SYT14: variants seen among roughly 807,000 people sequenced by gnomAD.
SYT14 encodes synaptotagmin 14, also known as synaptotagmin-14.
Under a neutral mutation model 74.2 loss-of-function variants are expected in SYT14, and 32 were observed. That is an observed-to-expected ratio of 0.43 (90% confidence interval 0.33 to 0.58). The LOEUF is 0.58. Among genes scored for constraint, SYT14 ranks in the 20% least tolerant of loss-of-function variants. The pLI is 0.05. For missense variants in SYT14, 791 were observed against 981.8 expected, an observed-to-expected ratio of 0.81 and a Z score of 2.60; for synonymous variants, 298 against 337.7, an observed-to-expected ratio of 0.88 and a Z score of 1.29.
intron 2 of SYT14, among the ~76,000 whole-genome samples, chr1:209,953,503 T>C (rs1240539508): frequency 1.3e-5 from 2 of 152,218 alleles, no homozygotes. Context: ...TTGCCCCTCC[T>C]GAGTCTAGCC....
At chr1:210,025,694 C>T (rs1317439282) in intron 5 of SYT14, among the ~76,000 whole-genome samples, 1 of 152,012 alleles carries the variant, frequency 6.6e-6, no homozygotes, top group African/African-American at 2.4e-5. Flanking sequence ...TACCAGGTAG[C>T]GAGTACTGCC....
intron 2 of SYT14, among the ~76,000 whole-genome samples, chr1:209,976,883 G>T (rs540836908): frequency 4.9e-4 from 75 of 152,190 alleles, no homozygotes; most frequent in African/African-American, 1.8e-3. Context: ...ATGAATCTGG[G>T]TGCTCCTGTA....
intron 5 of SYT14, among the ~76,000 whole-genome samples, chr1:210,033,881 T>G (rs934114388): frequency 1.3e-5 from 2 of 151,800 alleles, no homozygotes; most frequent in African/African-American, 4.8e-5. Context: ...ATTTACACCC[T>G]TAAACATTTT....
At position 210,103,824 on chromosome 1, in the gene SYT14, A is replaced by G. The variant is rs191077209; in HGVS notation, c.2034+3363A>G. On this transcript the variant is annotated intron_variant, in intron 7 of 9. Transcript: ENST00000637265. ...ATATTGGGAATGGAGTTAGGCAGGA[A>G]CAGAAATTGGTGAATTTTAGATGAG... Among the ~76,000 whole-genome samples the G allele has an allele frequency of 9.8e-5, 15 of 152,308 alleles. No homozygotes were observed. The East Asian group carries it at 2.9e-3, about 29-fold the overall frequency.
intron 7 of SYT14, among the ~76,000 whole-genome samples, chr1:210,109,301 C>T (rs768587831): frequency 5.3e-5 from 8 of 151,902 alleles, no homozygotes; most frequent in Non-Finnish European, 8.8e-5. Context: ...GAAAACAGAC[C>T]GGGCGCGTTG....
At chr1:209,939,191 T>A (rs773793121) in intron 1 of SYT14, among the ~76,000 whole-genome samples, 6 of 152,218 alleles carry the variant, frequency 3.9e-5, no homozygotes, top group Non-Finnish European at 7.3e-5. Context: ...TGTGAAAGAT[T>A]ACATCTTCCA....
intron 2 of SYT14, among the ~76,000 whole-genome samples, chr1:209,982,375 C>T (rs1235507963): frequency 6.6e-6 from 1 of 152,122 alleles, no homozygotes; most frequent in Non-Finnish European, 1.5e-5. Context: ...AGTCTGGTTT[C>T]AAATTTCTGA....
chr1:210,072,956 A>G (rs1450253895), intron 5 of SYT14, among the ~76,000 whole-genome samples: 2 of 151,864 alleles, frequency 1.3e-5, no homozygotes, highest in Non-Finnish European at 2.9e-5. Flanking sequence ...TAAAAGATTA[A>G]TAACTCTTTT....
chr1:210,095,620 A>AT (rs1197502847), intron 6 of SYT14, among the ~76,000 whole-genome samples: 1 of 152,196 alleles, frequency 6.6e-6, no homozygotes, highest in African/African-American at 2.4e-5. Context: ...TAATACTGAA[A>AT]TATGTCCGTA....
chr1:210,164,200 TC>T (rs891257182), exon 10 of SYT14: 16 of 344,012 alleles, frequency 4.7e-5, no homozygotes, highest in African/African-American at 3.0e-4. Flanking sequence ...TTGTTTGAAA[TC>T]CATTTGCATA....
chr1:209,965,908 G>A, intron 2 of SYT14: 1 of 448,362 alleles, frequency 2.2e-6, no homozygotes, highest in African/African-American at 2.1e-5. Flanking sequence ...GTATTTCTCT[G>A]TGGCCAGGCT....
intron 7 of SYT14, among the ~76,000 whole-genome samples, 187 bp from the exon 7 acceptor site, chr1:210,155,533 CT>C (rs1463678262): frequency 3.9e-5 from 6 of 152,108 alleles, no homozygotes; most frequent in Non-Finnish European, 7.4e-5. Context: ...ACTTCTTTGG[CT>C]TTTACATAAT....
exon 10 of SYT14, chr1:210,162,290 T>A (rs1162180995): frequency 2.3e-6 from 1 of 441,412 alleles, no homozygotes; most frequent in African/African-American, 2.0e-5. Flanking sequence ...TTTGCAAAAT[T>A]AAGCCTTCGA....
intron 5 of SYT14, among the ~76,000 whole-genome samples, chr1:210,060,172 A>C (rs892138940): frequency 6.6e-6 from 1 of 152,202 alleles, no homozygotes; most frequent in Admixed American, 6.6e-5. Context: ...AATAGCAGAC[A>C]TGGTTTCTAA....
At chr1:210,127,888 A>G (rs909142206) in intron 7 of SYT14, among the ~76,000 whole-genome samples, 23 of 151,998 alleles carry the variant, frequency 1.5e-4, no homozygotes, top group African/African-American at 5.3e-4. Flanking sequence ...TTAGCTGGGC[A>G]TGGGGGCGGG....
chr1:210,161,299 A>G (rs2083368764), exon 10 of SYT14: 1 of 596,862 alleles, frequency 1.7e-6, no homozygotes, highest in Non-Finnish European at 3.1e-6. Flanking sequence ...CAGAAATTTA[A>G]TAAGATGTTT....
intron 7 of SYT14, among the ~76,000 whole-genome samples, chr1:210,139,179 C>T (rs2082853747): frequency 6.6e-6 from 1 of 150,974 alleles, no homozygotes; most frequent in Non-Finnish European, 1.5e-5. Context: ...CTCCACCTCC[C>T]AGGTTCAAGC....
chr1:210,004,524 C>G (rs946437981), intron 2 of SYT14, among the ~76,000 whole-genome samples: 3 of 151,960 alleles, frequency 2.0e-5, no homozygotes, highest in Admixed American at 2.0e-4. Context: ...CATTGCTTAT[C>G]TTTTCTCTTT....
At chr1:210,131,601 C>T (rs1278785706) in intron 7 of SYT14, among the ~76,000 whole-genome samples, 3 of 151,158 alleles carry the variant, frequency 2.0e-5, no homozygotes, top group Admixed American at 6.6e-5. Flanking sequence ...ATTTCTATAC[C>T]TATATATTGA....
Sources: gnomAD v4.1 joint callset for allele counts (sites outside exome capture counted in the v4.1 genomes callset) on GRCh38, gnomAD v4.1.1 for gene constraint, MANE v1.5 for transcripts, NCBI Gene and HGNC (gene_info 2026-07-23, HGNC 2026-07-21) for gene names.